GREB1: variants seen among roughly 807,000 people sequenced by gnomAD.
GREB1 encodes protein GREB1.
A neutral mutation model predicts 200.7 loss-of-function variants in GREB1; 106 were observed. The ratio of observed to expected loss-of-function variants is 0.53; its 90% confidence interval spans 0.45 to 0.62. The LOEUF is 0.62. Among genes scored for constraint, GREB1 ranks in the 20% least tolerant of loss-of-function variants. The pLI, the probability that GREB1 is intolerant of heterozygous loss-of-function variation, is 0.00. For missense variants in GREB1, 2,243 were observed against 2,556.8 expected, an observed-to-expected ratio of 0.88 and a Z score of 2.65; for synonymous variants, 1,132 against 1,092.4, an observed-to-expected ratio of 1.04 and a Z score of -0.72.
At chr2:11,576,838 C>G (rs1284019737) in intron 5 of GREB1, among the ~76,000 whole-genome samples, 3 of 151,932 alleles carry the variant, frequency 2.0e-5, no homozygotes, top group Admixed American at 2.0e-4. Context: ...GAGTTCAAGA[C>G]CAGCCTGGCC....
At chr2:11,576,872 T>C (rs920163026) in intron 5 of GREB1, among the ~76,000 whole-genome samples, 1 of 151,974 alleles carries the variant, frequency 6.6e-6, no homozygotes, top group Non-Finnish European at 1.5e-5. Flanking sequence ...CCTTCTCTAC[T>C]GAAAATACAA....
At chr2:11,500,458 C>A (rs1673004383) in intron 1 of GREB1, among the ~76,000 whole-genome samples, 1 of 37,528 alleles carries the variant, frequency 2.7e-5, no homozygotes, top group Non-Finnish European at 5.1e-5. Context: ...TGTGCCTGGC[C>A]ATTTTTTTTT....
intron 2 of GREB1, among the ~76,000 whole-genome samples, chr2:11,560,649 T>C (rs58357593): frequency 0.038 from 5,702 of 151,434 alleles, 219 homozygotes; most frequent in African/African-American, 0.091. Flanking sequence ...TGCAGTGAGC[T>C]GAGATCGCAC....
At chr2:11,501,590 C>T (rs904686689) in intron 1 of GREB1, among the ~76,000 whole-genome samples, 5 of 152,072 alleles carry the variant, frequency 3.3e-5, no homozygotes, top group African/African-American at 1.2e-4. Context: ...GACGGCGTTT[C>T]ACTTTGTTGG....
At chr2:11,540,052 C>G (rs1194322261) in intron 1 of GREB1, 1 of 152,312 alleles carries the variant, frequency 6.6e-6, no homozygotes, top group Non-Finnish European at 1.5e-5. Flanking sequence ...CTCTGCTGGG[C>G]TTAGCCTCTT....
At chr2:11,507,223 A>G (rs1673204815) in intron 1 of GREB1, among the ~76,000 whole-genome samples, 2 of 152,184 alleles carry the variant, frequency 1.3e-5, no homozygotes, top group Non-Finnish European at 2.9e-5. Flanking sequence ...AGCCTGGCCA[A>G]CGTGGCGAAA....
At chr2:11,558,081 C>G (rs1487916226) in intron 2 of GREB1, among the ~76,000 whole-genome samples, 1 of 152,210 alleles carries the variant, frequency 6.6e-6, no homozygotes, top group Non-Finnish European at 1.5e-5. Flanking sequence ...CCACAAAGTG[C>G]TTTCACCTCA....
chr2:11,535,792 T>C (rs1674265232), intron 1 of GREB1, among the ~76,000 whole-genome samples: 1 of 150,228 alleles, frequency 6.7e-6, no homozygotes, highest in Non-Finnish European at 1.5e-5. Flanking sequence ...TTACATGATT[T>C]GTTTTATCTT....
chr2:11,501,907 T>TG (rs1558486226), intron 1 of GREB1, among the ~76,000 whole-genome samples: 16 of 90,666 alleles, frequency 1.8e-4, no homozygotes, highest in African/African-American at 8.7e-4. Context: ...TTTTTTTTGT[T>TG]TTTTTTTTTT....
chr2:11,483,717 TG>T (rs1558476360), intron 1 of GREB1, among the ~76,000 whole-genome samples: 2 of 144,770 alleles, frequency 1.4e-5, no homozygotes, highest in African/African-American at 5.4e-5. Context: ...TGTGTGTGTG[TG>T]TGTGTGTGTG....
In GREB1 at chr2:11,577,071, G is replaced by A. The variant is rs58402387; in HGVS notation, c.637+536G>A. Among the ~76,000 whole-genome samples, 1,493 of 151,998 alleles carry A rather than the reference G, an allele frequency of 9.8e-3. 23 individuals are homozygous for A. Among genetic ancestry groups the A allele is most frequent in the African/African-American group, 0.034 (1,390 of 41,470 alleles). On this transcript the variant is annotated intron_variant, in intron 5 of 32. Coordinates refer to ENST00000381486, the MANE Select transcript of GREB1 (RefSeq NM_014668.4). The stretch of plus-strand genomic sequence containing the variant: ...ACAAACAAACGAACAAAAAAAAAAC[G>A]TTGACAGAGGGCCAGAGTGTGCATT...
intron 17 of GREB1, among the ~76,000 whole-genome samples, chr2:11,607,462 A>G (rs74173219): frequency 0.24 from 11,093 of 46,088 alleles, 732 homozygotes; most frequent in African/African-American, 0.32. Context: ...GTGTGTGTGT[A>G]TATATATATA....
At chr2:11,586,170 C>A (rs775752577) in intron 9 of GREB1, among the ~76,000 whole-genome samples, 3 of 152,218 alleles carry the variant, frequency 2.0e-5, no homozygotes, top group Non-Finnish European at 2.9e-5. Context: ...GTCTATTTGC[C>A]TGTTCACTCA....
chr2:11,607,049 G>A (rs1682370038), intron 17 of GREB1, among the ~76,000 whole-genome samples: 1 of 151,856 alleles, frequency 6.6e-6, no homozygotes, highest in African/African-American at 2.4e-5. Context: ...CCAAAGTGCT[G>A]GAATTACAGG....
At chr2:11,504,946 T>G (rs1368163424) in intron 1 of GREB1, among the ~76,000 whole-genome samples, 1 of 152,208 alleles carries the variant, frequency 6.6e-6, no homozygotes, top group East Asian at 1.9e-4. Flanking sequence ...TTAATTTTAT[T>G]TTTTGAGATA....
At chr2:11,567,273 C>T (rs1677769225) in intron 4 of GREB1, among the ~76,000 whole-genome samples, 1 of 152,092 alleles carries the variant, frequency 6.6e-6, no homozygotes, top group African/African-American at 2.4e-5. Context: ...TACAGGTGTG[C>T]ACCACCACAT....
At chr2:11,560,074 C>G (rs1676844297) in intron 2 of GREB1, among the ~76,000 whole-genome samples, 1 of 152,170 alleles carries the variant, frequency 6.6e-6, no homozygotes, top group Non-Finnish European at 1.5e-5. Flanking sequence ...TCTGGAACTC[C>G]CGTGCAGCTC....
At chr2:11,530,186 C>G (rs1674020590), upstream of GREB1, among the ~76,000 whole-genome samples, 1 of 152,000 alleles carries the variant, frequency 6.6e-6, no homozygotes, top group South Asian at 2.1e-4. Flanking sequence ...CTCAGCCTCC[C>G]TAGTAGCTGG....
intron 23 of GREB1, among the ~76,000 whole-genome samples, chr2:11,621,775 G>A (rs550896493): frequency 2.6e-5 from 4 of 152,278 alleles, no homozygotes; most frequent in Admixed American, 2.0e-4. Flanking sequence ...GTTTTGACTT[G>A]GAGAAAATTT....
Sources: allele counts gnomAD v4.1 joint callset (sites outside exome capture counted in the v4.1 genomes callset), GRCh38; gene constraint gnomAD v4.1.1; transcripts MANE v1.5; gene names NCBI Gene and HGNC (gene_info 2026-07-23, HGNC 2026-07-21).